FOXN3: variants seen among roughly 807,000 people sequenced by gnomAD.
FOXN3 encodes the protein forkhead box protein N3.
A neutral mutation model predicts 38.4 loss-of-function variants in FOXN3; 7 were observed. The observed-to-expected ratio is 0.18, with a 90% CI of 0.10 to 0.34. The LOEUF (loss-of-function observed/expected upper bound fraction) is 0.34. FOXN3 is among the 10% of genes least tolerant of loss of function. FOXN3 has a pLI of 1.00. For synonymous variants in FOXN3, 230 were observed against 242.2 expected (o/e 0.95, Z 0.47); for missense variants, 456 against 613.4 (o/e 0.74, Z 2.71).
intron 3 of FOXN3, among the ~76,000 whole-genome samples, chr14:89,308,850 G>C (rs1390206342): frequency 6.6e-6 from 1 of 152,164 alleles, no homozygotes; most frequent in Non-Finnish European, 1.5e-5. Flanking sequence ...GCGAAGGACA[G>C]GTAAGCACAG....
intron 4 of FOXN3, among the ~76,000 whole-genome samples, chr14:89,259,534 T>C (rs1368177963): frequency 6.6e-6 from 1 of 152,208 alleles, no homozygotes; most frequent in Non-Finnish European, 1.5e-5. Context: ...TTTTCCCTTA[T>C]AATTTCTGCA....
At chr14:89,304,401 G>A (rs1019451512) in intron 3 of FOXN3, among the ~76,000 whole-genome samples, 4 of 152,198 alleles carry the variant, frequency 2.6e-5, no homozygotes, top group Non-Finnish European at 4.4e-5. Flanking sequence ...GAAGACAGGA[G>A]AGAGATGTTT....
intron 2 of FOXN3, among the ~76,000 whole-genome samples, chr14:89,353,170 C>G (rs1391226414): frequency 6.6e-6 from 1 of 152,126 alleles, no homozygotes; most frequent in Non-Finnish European, 1.5e-5. Flanking sequence ...ATCACAGCGC[C>G]ATGGGAAGTC....
At chr14:89,204,618 A>C (rs78851432) in intron 4 of FOXN3, among the ~76,000 whole-genome samples, 5,487 of 152,248 alleles carry the variant, frequency 0.036, 339 homozygotes, top group African/African-American at 0.12. Flanking sequence ...AAGCATTTGC[A>C]TTTTCCTTTA....
chr14:89,554,786 T>C (rs1009013139), intron 1 of FOXN3, among the ~76,000 whole-genome samples: 1 of 142,452 alleles, frequency 7.0e-6, no homozygotes, highest in African/African-American at 2.5e-5. Flanking sequence ...GCATTTCTTT[T>C]TTTTTTTTTT....
At chr14:89,165,121 T>G (rs1887207181) in intron 5 of FOXN3, among the ~76,000 whole-genome samples, 1 of 152,154 alleles carries the variant, frequency 6.6e-6, no homozygotes, top group Non-Finnish European at 1.5e-5. Flanking sequence ...GAAGTCCCAG[T>G]GAGACCCAGA....
Position 89,463,944 on chromosome 14 carries a change from C to G in FOXN3, c.-14-51454G>C, listed in dbSNP as rs564158528. On this transcript the variant is annotated intron_variant, in intron 1 of 6. Coordinates refer to the FOXN3 transcript ENST00000345097. ...GGATTACAGGCACATGCCACCACACCCAGTGAATTTTGAATTTTTAGTAGA... is the reference window on the plus strand; with the variant it reads ...GGATTACAGGCACATGCCACCACACGCAGTGAATTTTGAATTTTTAGTAGA... Among the ~76,000 whole-genome samples, 12 of 150,892 alleles carry G rather than the reference C, an allele frequency of 8.0e-5. No individual in the cohort carries two copies. In the South Asian group the frequency reaches 2.5e-3, roughly 31 times the overall value.
chr14:89,455,614 G>A (rs1339093983), intron 1 of FOXN3, among the ~76,000 whole-genome samples: 1 of 152,160 alleles, frequency 6.6e-6, no homozygotes. Context: ...CACGTAGCAG[G>A]CAGTCTCTTT....
intron 3 of FOXN3, among the ~76,000 whole-genome samples, chr14:89,304,735 G>A (rs1186887632): frequency 1.3e-5 from 2 of 152,008 alleles, no homozygotes; most frequent in African/African-American, 2.4e-5. Flanking sequence ...GCTGCTCCTC[G>A]TCTGGCCCCC....
At chr14:89,561,510 C>T (rs1025950515) in intron 1 of FOXN3, among the ~76,000 whole-genome samples, 14 of 152,204 alleles carry the variant, frequency 9.2e-5, no homozygotes, top group African/African-American at 2.4e-4. Context: ...CCACGCTTGA[C>T]GGGTACTTAG....
At chr14:89,600,373 T>G (rs182588769) in intron 1 of FOXN3, among the ~76,000 whole-genome samples, 3 of 152,278 alleles carry the variant, frequency 2.0e-5, no homozygotes, top group Admixed American at 2.0e-4. Flanking sequence ...AAAGGGCTCA[T>G]TTCAACACCA....
intron 3 of FOXN3, among the ~76,000 whole-genome samples, chr14:89,302,175 C>G (rs1277072483): frequency 6.6e-6 from 1 of 152,158 alleles, no homozygotes; most frequent in Non-Finnish European, 1.5e-5. Context: ...TTCGATGCTT[C>G]GAGAAAAACT....
At chr14:89,429,509 T>C (rs1892113446) in intron 1 of FOXN3, among the ~76,000 whole-genome samples, 1 of 151,766 alleles carries the variant, frequency 6.6e-6, no homozygotes, top group South Asian at 2.1e-4. Flanking sequence ...CATTCCCCCA[T>C]TCTCTCTGGC....
chr14:89,554,445 C>T (rs7148569), intron 1 of FOXN3, among the ~76,000 whole-genome samples: 6,174 of 152,158 alleles, frequency 0.041, 395 homozygotes, highest in African/African-American at 0.14. Context: ...CTCTTTCTTT[C>T]ACTTTTATCT....
Position 89,156,200 on chromosome 14 carries a change from A to G in FOXN3, c.*6214T>C, listed in dbSNP as rs1974155908. On this transcript the variant is annotated 3_prime_UTR_variant, in exon 6 of 6. Coordinates refer to ENST00000557258, the MANE Select transcript of FOXN3 (RefSeq NM_005197.4). ...TGTTTTTCTTCAATTGATGCAACTC[A>G]GTAATTTTTATTGCAACTGGAAGAC... 6.5e-6 allele frequency: 1 copy of G among 152,686 alleles called. No homozygotes were observed. The highest frequency in any genetic ancestry group is 1.5e-5 in the Non-Finnish European group (1 of 68,050). 9.5% of individuals were successfully genotyped at this position (152,686 alleles called of 1,614,324 possible). A position where few individuals can be genotyped will look rare whatever the true frequency, so the allele number is the denominator to read the frequency against.
chr14:89,322,760 A>G (rs1887931833), intron 3 of FOXN3, among the ~76,000 whole-genome samples: 1 of 152,108 alleles, frequency 6.6e-6, no homozygotes, highest in Admixed American at 6.5e-5. Context: ...AAGAGGCAAG[A>G]AGGAGGCCAA....
intron 2 of FOXN3, among the ~76,000 whole-genome samples, chr14:89,372,601 T>TTAAC (rs1890353252): frequency 1.3e-5 from 2 of 152,130 alleles, no homozygotes; most frequent in Admixed American, 6.6e-5. Flanking sequence ...AGTTTAAGAC[T>TTAAC]TAACAGTCAA....
chr14:89,272,694 A>G (rs943879355), intron 4 of FOXN3, among the ~76,000 whole-genome samples: 16 of 152,116 alleles, frequency 1.1e-4, no homozygotes, highest in Admixed American at 1.0e-3. Context: ...CTTTACTAAG[A>G]ATACAAAAAT....
At chr14:89,555,356 C>T (rs910230248) in intron 1 of FOXN3, among the ~76,000 whole-genome samples, 1 of 152,146 alleles carries the variant, frequency 6.6e-6, no homozygotes, top group African/African-American at 2.4e-5. Context: ...CTGCCATCAG[C>T]GACAGGAGGA....
Sources: allele counts gnomAD v4.1 joint callset (sites outside exome capture counted in the v4.1 genomes callset), GRCh38; gene constraint gnomAD v4.1.1; transcripts MANE v1.5; gene names NCBI Gene and HGNC (gene_info 2026-07-23, HGNC 2026-07-21).